KCNC2: variants seen among roughly 807,000 people sequenced by gnomAD.
KCNC2 encodes voltage-gated potassium channel KCNC2.
Under a neutral mutation model 44.5 loss-of-function variants are expected in KCNC2, and 21 were observed. That is an observed-to-expected ratio of 0.47 (90% CI 0.33 to 0.68). The LOEUF (loss-of-function observed/expected upper bound fraction) is 0.68. Ranked by LOEUF, KCNC2 falls within the 30% of genes least tolerant of loss-of-function variation. The pLI is 0.01. For synonymous variants in KCNC2, 391 were observed against 339.1 expected, an observed-to-expected ratio of 1.15 and a Z score of -1.68; for missense variants, 589 against 826.2, an observed-to-expected ratio of 0.71 and a Z score of 3.52.
intron 2 of KCNC2, among the ~76,000 whole-genome samples, chr12:75,057,236 A>G (rs1022056263): frequency 2.0e-5 from 3 of 151,932 alleles, no homozygotes; most frequent in Admixed American, 6.6e-5. Flanking sequence ...AACTCAGCTG[A>G]TGGTCTTAAT....
At chr12:75,139,127 G>A (rs1889462071) in intron 2 of KCNC2, among the ~76,000 whole-genome samples, 1 of 152,048 alleles carries the variant, frequency 6.6e-6, no homozygotes, top group Admixed American at 6.6e-5. Context: ...AGAGACCTCA[G>A]GGACCTAATA....
intron 4 of KCNC2, among the ~76,000 whole-genome samples, chr12:75,046,285 A>G (rs1880501053): frequency 2.0e-5 from 3 of 151,786 alleles, no homozygotes; most frequent in Non-Finnish European, 3.0e-5. Context: ...CAAACTAAAT[A>G]TCTTATTAAT....
intron 2 of KCNC2, among the ~76,000 whole-genome samples, chr12:75,168,154 C>T (rs571397749): frequency 4.0e-5 from 6 of 151,150 alleles, no homozygotes; most frequent in South Asian, 4.2e-4. Flanking sequence ...TGAGAAAAAC[C>T]GAAATACATT....
At chr12:75,191,773 T>C (rs1252870460) in intron 2 of KCNC2, among the ~76,000 whole-genome samples, 1 of 151,488 alleles carries the variant, frequency 6.6e-6, no homozygotes, top group East Asian at 1.9e-4. Flanking sequence ...ATGGTCTCGA[T>C]CTCCTGACCT....
intron 2 of KCNC2, among the ~76,000 whole-genome samples, chr12:75,155,145 A>T (rs148172812): frequency 1.5e-3 from 228 of 151,896 alleles, no homozygotes; most frequent in African/African-American, 5.0e-3. Flanking sequence ...GCCCCTCTTT[A>T]CCATGCCTGC....
chr12:75,066,147 T>C (rs922771039), intron 2 of KCNC2, among the ~76,000 whole-genome samples: 10 of 152,180 alleles, frequency 6.6e-5, no homozygotes, highest in African/African-American at 2.4e-4. Flanking sequence ...TTTCTGATTA[T>C]TTCATTTATT....
At chr12:75,185,062 A>G (rs988662385) in intron 2 of KCNC2, among the ~76,000 whole-genome samples, 1 of 152,304 alleles carries the variant, frequency 6.6e-6, no homozygotes, top group Admixed American at 6.5e-5. Flanking sequence ...ATGATAGTAG[A>G]CTTTATACCT....
chr12:75,080,085 AT>A (rs1210380363), intron 2 of KCNC2, among the ~76,000 whole-genome samples: 1 of 151,940 alleles, frequency 6.6e-6, no homozygotes, highest in Admixed American at 6.6e-5. Context: ...GAAAAATTTT[AT>A]TTTTTTAACT....
At chr12:75,162,724 C>CA (rs932981532) in intron 2 of KCNC2, among the ~76,000 whole-genome samples, 1 of 151,596 alleles carries the variant, frequency 6.6e-6, no homozygotes, top group East Asian at 1.9e-4. Flanking sequence ...TACTCATCCT[C>CA]AAAAAAACCT....
intron 2 of KCNC2, among the ~76,000 whole-genome samples, chr12:75,177,707 A>G (rs1892289790): frequency 6.6e-6 from 1 of 152,034 alleles, no homozygotes. Flanking sequence ...ACTTTAGAAG[A>G]ATGATTTCTT....
chr12:75,157,919 C>A (rs564598695), intron 2 of KCNC2, among the ~76,000 whole-genome samples: 135 of 152,018 alleles, frequency 8.9e-4, no homozygotes, highest in African/African-American at 2.9e-3. Flanking sequence ...AAAACATTTT[C>A]TCTTAGAACG....
chr12:75,070,220 C>A (rs946623460), intron 2 of KCNC2, among the ~76,000 whole-genome samples: 5 of 152,008 alleles, frequency 3.3e-5, no homozygotes, highest in African/African-American at 1.2e-4. Context: ...GAAGCCGAGG[C>A]AGGCGGATTG....
chr12:75,085,869 A>C (rs1393708188), intron 2 of KCNC2, among the ~76,000 whole-genome samples: 2 of 152,012 alleles, frequency 1.3e-5, no homozygotes, highest in African/African-American at 4.8e-5. Flanking sequence ...ATTAAAGATG[A>C]CTTTAGAGCT....
chr12:75,190,992 C>A (rs2030149509), intron 2 of KCNC2, among the ~76,000 whole-genome samples: 1 of 151,928 alleles, frequency 6.6e-6, no homozygotes, highest in Admixed American at 6.6e-5. Flanking sequence ...AATAAGAATT[C>A]AGTAAGATAA....
At chr12:75,052,602 A>T (rs1239871775) in intron 2 of KCNC2, among the ~76,000 whole-genome samples, 1 of 152,110 alleles carries the variant, frequency 6.6e-6, no homozygotes, top group Non-Finnish European at 1.5e-5. Context: ...AGTCAAGCGG[A>T]GGGAGGTTCT....
At chr12:75,070,430 A>G (rs1883284483) in intron 2 of KCNC2, among the ~76,000 whole-genome samples, 1 of 138,016 alleles carries the variant, frequency 7.2e-6, no homozygotes, top group Admixed American at 7.7e-5. Context: ...CAGCTTGGGC[A>G]ACAAGAACAA....
chr12:75,057,027 A>G (rs1056347060), intron 2 of KCNC2, among the ~76,000 whole-genome samples: 6 of 151,998 alleles, frequency 3.9e-5, no homozygotes, highest in Non-Finnish European at 8.8e-5. Flanking sequence ...CATTCCATAA[A>G]TGTCTGAAAA....
chr12:75,172,890 G>C (rs2137590872), intron 2 of KCNC2, among the ~76,000 whole-genome samples: 1 of 151,930 alleles, frequency 6.6e-6, no homozygotes, highest in South Asian at 2.1e-4. Flanking sequence ...CTAACTTCCT[G>C]ATGGGAACCA....
At chr12:75,066,646 A>C (rs377434577) in intron 2 of KCNC2, among the ~76,000 whole-genome samples, 4 of 152,178 alleles carry the variant, frequency 2.6e-5, no homozygotes, top group Non-Finnish European at 4.4e-5. Context: ...TAATAAACAA[A>C]ATTTAAATAC....
Sources: allele counts gnomAD v4.1 joint callset (sites outside exome capture counted in the v4.1 genomes callset), GRCh38; gene constraint gnomAD v4.1.1; transcripts MANE v1.5; gene names NCBI Gene and HGNC (gene_info 2026-07-23, HGNC 2026-07-21).